MICU1: variants seen among roughly 807,000 people sequenced by gnomAD.
MICU1 encodes the protein calcium uptake protein 1, mitochondrial.
Under a neutral mutation model 56.8 loss-of-function variants are expected in MICU1, and 45 were observed. That is an observed-to-expected ratio of 0.79 (90% confidence interval 0.62 to 1.02). The LOEUF (loss-of-function observed/expected upper bound fraction) is 1.02, where lower values mean the gene tolerates loss of function less well. Among genes scored for constraint, MICU1 ranks in the 50% least tolerant of loss-of-function variants. MICU1 has a pLI of 0.00. For missense variants in MICU1, 504 were observed against 587.1 expected, an observed-to-expected ratio of 0.86 and a Z score of 1.46; for synonymous variants, 186 against 195.1, an observed-to-expected ratio of 0.95 and a Z score of 0.39.
chr10:72,566,769 C>G lies in MICU1; in HGVS notation c.25G>C (p.Ala9Pro), dbSNP rs368891566. 3.8e-5 allele frequency: 62 copies of G among 1,611,812 alleles called. No individual in the cohort carries two copies. In the South Asian group the frequency reaches 4.9e-4, roughly 13 times the overall value. MFRLNSLS[A>P]LAELAVGSRW... ...GAACCCACAGCCAGTTCTGCCAAAG[C>G]AGAAAGTGAGTTCAGACGAAACATC... Residue 9 changes from alanine to proline, a missense_variant, in exon 2 of 12, where the codon GCT becomes CCT. Coordinates refer to ENST00000361114, the MANE Select transcript of MICU1 (RefSeq NM_001195518.2).
chr10:72,496,780 A>G (rs1477818704), intron 6 of MICU1, among the ~76,000 whole-genome samples: 1 of 151,256 alleles, frequency 6.6e-6, no homozygotes, highest in African/African-American at 2.4e-5. Context: ...CTATGTTGCC[A>G]AGCCTGGTCT....
At chr10:72,625,680 G>A (rs891490607) in intron 1 of MICU1, among the ~76,000 whole-genome samples, 5 of 152,204 alleles carry the variant, frequency 3.3e-5, no homozygotes, top group Non-Finnish European at 7.3e-5. Context: ...AAGGCTACCA[G>A]AGTGTCCCAG....
At chr10:72,621,448 C>T (rs899314617) in intron 1 of MICU1, among the ~76,000 whole-genome samples, 10 of 151,896 alleles carry the variant, frequency 6.6e-5, no homozygotes, top group Admixed American at 2.0e-4. Flanking sequence ...GCCAAGAACG[C>T]GCCATTGCAC....
At chr10:72,512,497 T>C (rs938065236) in intron 5 of MICU1, among the ~76,000 whole-genome samples, 2 of 152,160 alleles carry the variant, frequency 1.3e-5, no homozygotes, top group Non-Finnish European at 2.9e-5. Context: ...TCTTTCCAGA[T>C]TATGATCCAA....
At chr10:72,536,493 C>T (rs771334479) in intron 4 of MICU1, among the ~76,000 whole-genome samples, 2 of 151,754 alleles carry the variant, frequency 1.3e-5, no homozygotes, top group African/African-American at 2.4e-5. Flanking sequence ...ACTACAGGTG[C>T]GTGCCACCAT....
chr10:72,464,670 T>A (rs1329373742), intron 8 of MICU1, among the ~76,000 whole-genome samples: 1 of 152,162 alleles, frequency 6.6e-6, no homozygotes, highest in Non-Finnish European at 1.5e-5. Flanking sequence ...AATGATGAGA[T>A]CATCTAACAA....
At chr10:72,433,281 T>C (rs1471852305) in intron 8 of MICU1, among the ~76,000 whole-genome samples, 1 of 151,416 alleles carries the variant, frequency 6.6e-6, no homozygotes. Flanking sequence ...TCTTGCTCTG[T>C]TGCCCAGGCT....
intron 8 of MICU1, among the ~76,000 whole-genome samples, chr10:72,440,506 A>C (rs2132180220): frequency 6.6e-6 from 1 of 152,326 alleles, no homozygotes; most frequent in South Asian, 2.1e-4. Flanking sequence ...CTTCATGACT[A>C]AAACACCAAA....
intron 5 of MICU1, among the ~76,000 whole-genome samples, chr10:72,513,188 C>A (rs1050329335): frequency 2.6e-5 from 4 of 152,132 alleles, no homozygotes; most frequent in African/African-American, 9.7e-5. Flanking sequence ...AAGAGGATTC[C>A]ACATTCTCCA....
chr10:72,533,084 CT>C, intron 5 of MICU1: 1 of 1,289,840 alleles, frequency 7.8e-7, no homozygotes, highest in Middle Eastern at 2.1e-4. Context: ...TTCTGAAGTG[CT>C]TTCTTCCTCC....
intron 3 of MICU1, among the ~76,000 whole-genome samples, chr10:72,555,741 C>A (rs1840142546): frequency 6.6e-6 from 1 of 152,190 alleles, no homozygotes; most frequent in Non-Finnish European, 1.5e-5. Context: ...GCAACTGATG[C>A]CTCTACTTGC....
At chr10:72,372,350 G>C (rs1589146258) in intron 11 of MICU1, among the ~76,000 whole-genome samples, 1 of 152,170 alleles carries the variant, frequency 6.6e-6, no homozygotes. Context: ...CCTGGTGACA[G>C]AGCGGGTGTG....
At chr10:72,432,087 CTTTT>C (rs35109632) in intron 8 of MICU1, among the ~76,000 whole-genome samples, 4 of 120,522 alleles carry the variant, frequency 3.3e-5, no homozygotes, top group Admixed American at 8.7e-5. Flanking sequence ...AATGTATTGC[CTTTT>C]TTTTTTTTTT....
In MICU1 at chr10:72,503,538, C is replaced by T. The variant is rs114491868; in HGVS notation, c.652+4617G>A. ...GACAGCCCTCACAATAATGAATTATCCTGCCCAAAATATCAACAGTGCTAA... is the reference window on the plus strand; with the variant it reads ...GACAGCCCTCACAATAATGAATTATTCTGCCCAAAATATCAACAGTGCTAA... On this transcript the variant is annotated intron_variant, in intron 6 of 11. Coordinates refer to ENST00000361114, the MANE Select transcript of MICU1 (RefSeq NM_001195518.2). Among the ~76,000 whole-genome samples, 462 of 152,094 alleles carry T rather than the reference C, an allele frequency of 3.0e-3. 3 individuals are homozygous for T. Among genetic ancestry groups the T allele is most frequent in the African/African-American group, 0.01 (431 of 41,492 alleles).
At chr10:72,380,121 C>T (rs1427161410) in intron 10 of MICU1, among the ~76,000 whole-genome samples, 1 of 152,112 alleles carries the variant, frequency 6.6e-6, no homozygotes, top group African/African-American at 2.4e-5. Context: ...GTTTTCCTCC[C>T]AGATCTCAAC....
At chr10:72,567,711 T>C (rs531735002) in intron 1 of MICU1, among the ~76,000 whole-genome samples, 1 of 152,006 alleles carries the variant, frequency 6.6e-6, no homozygotes, top group Non-Finnish European at 1.5e-5. Context: ...CATATGAGAG[T>C]TGCTGCTAAA....
chr10:72,593,633 A>G (rs185484070), intron 1 of MICU1, among the ~76,000 whole-genome samples: 136 of 152,338 alleles, frequency 8.9e-4, no homozygotes, highest in South Asian at 4.6e-3. Flanking sequence ...TAAAGATTGC[A>G]CCAAAAAACT....
intron 4 of MICU1, among the ~76,000 whole-genome samples, chr10:72,549,930 CAAA>C (rs60734797): frequency 1.8e-5 from 2 of 111,356 alleles, no homozygotes; most frequent in African/African-American, 3.8e-5. Flanking sequence ...AACTCCATCT[CAAA>C]AAAAAAAAAA....
chr10:72,536,481 G>C (rs1017449514), intron 4 of MICU1, among the ~76,000 whole-genome samples: 1 of 151,892 alleles, frequency 6.6e-6, no homozygotes, highest in Admixed American at 6.6e-5. Context: ...TGAGTAGCTG[G>C]GACTACAGGT....
Sources: allele counts gnomAD v4.1 joint callset (sites outside exome capture counted in the v4.1 genomes callset), GRCh38; gene constraint gnomAD v4.1.1; transcripts MANE v1.5; gene names NCBI Gene and HGNC (gene_info 2026-07-23, HGNC 2026-07-21).